PDE10A: variants seen among roughly 807,000 people sequenced by gnomAD.
PDE10A encodes the protein phosphodiesterase 10A.
A neutral mutation model predicts 97.7 loss-of-function variants in PDE10A; 39 were observed. The observed-to-expected ratio is 0.40, with a 90% CI of 0.31 to 0.52. PDE10A has a LOEUF of 0.52. Among genes scored for constraint, PDE10A ranks in the 20% least tolerant of loss-of-function variants. The pLI is 0.56. For missense variants in PDE10A, 731 were observed against 1,047.8 expected (o/e 0.70, Z 4.17); for synonymous variants, 371 against 376.8 (o/e 0.98, Z 0.18).
At chr6:165,561,997 G>A (rs1784546135) in intron 1 of PDE10A, among the ~76,000 whole-genome samples, 2 of 152,092 alleles carry the variant, frequency 1.3e-5, no homozygotes, top group African/African-American at 2.4e-5. Context: ...CTGGCCAGGT[G>A]TGGTAGCTCA....
intron 1 of PDE10A, among the ~76,000 whole-genome samples, chr6:165,659,670 C>A (rs573750715): frequency 6.6e-6 from 1 of 152,360 alleles, no homozygotes; most frequent in South Asian, 2.1e-4. Context: ...CTGCTCAGGG[C>A]AAGGTGTGGG....
intron 1 of PDE10A, among the ~76,000 whole-genome samples, chr6:165,712,269 G>A (rs1380951688): frequency 2.0e-5 from 3 of 152,178 alleles, no homozygotes; most frequent in Non-Finnish European, 2.9e-5. Context: ...TTGAAGGACC[G>A]TTTCATGAAA....
intron 2 of PDE10A, among the ~76,000 whole-genome samples, chr6:165,542,609 G>GTTTTT (rs1783506131): frequency 1.0e-5 from 1 of 95,916 alleles, no homozygotes; most frequent in South Asian, 4.1e-4. Flanking sequence ...AGATGTCCTT[G>GTTTTT]TTCTTTTTTT....
At chr6:165,455,683 T>C (rs968260172) in intron 3 of PDE10A, among the ~76,000 whole-genome samples, 7 of 152,164 alleles carry the variant, frequency 4.6e-5, no homozygotes, top group African/African-American at 1.7e-4. Flanking sequence ...TGTATTCCCT[T>C]CTCAGGTCTG....
At chr6:165,785,060 T>G (rs6913604) in intron 1 of PDE10A, among the ~76,000 whole-genome samples, 77,164 of 152,046 alleles carry the variant, frequency 0.51, 20,118 homozygotes, top group Middle Eastern at 0.58. Flanking sequence ...CTCTGTGGGA[T>G]AATTTCTTGG....
chr6:165,792,562 C>T (rs1472237281), intron 1 of PDE10A, among the ~76,000 whole-genome samples: 2 of 152,000 alleles, frequency 1.3e-5, no homozygotes, highest in Non-Finnish European at 2.9e-5. Context: ...TTTTTCTTTC[C>T]AGTCTCCCCA....
chr6:165,782,390 T>C (rs540869307), intron 1 of PDE10A, among the ~76,000 whole-genome samples: 112 of 152,274 alleles, frequency 7.4e-4, no homozygotes, highest in Non-Finnish European at 1.2e-3. Flanking sequence ...CGTAAATCAC[T>C]CTCAAACCTC....
At chr6:165,797,900 T>C (rs1343070008) in intron 1 of PDE10A, among the ~76,000 whole-genome samples, 1 of 152,230 alleles carries the variant, frequency 6.6e-6, no homozygotes. Context: ...TTTGTTGTTT[T>C]GTTTTCTCTA....
intron 5 of PDE10A, among the ~76,000 whole-genome samples, chr6:165,445,847 G>A (rs375461065): frequency 2.6e-5 from 4 of 152,024 alleles, no homozygotes; most frequent in Admixed American, 6.5e-5. Flanking sequence ...AACAAGCCTC[G>A]AGAGTATCCA....
chr6:165,971,928 C>T (rs1286122231), intron 1 of PDE10A, among the ~76,000 whole-genome samples: 2 of 152,046 alleles, frequency 1.3e-5, no homozygotes, highest in African/African-American at 2.4e-5. Context: ...GTACCCATGG[C>T]GTTGACTTGG....
chr6:165,349,650 G>A (rs116967772), intron 18 of PDE10A, among the ~76,000 whole-genome samples: 6,743 of 152,254 alleles, frequency 0.044, 236 homozygotes, highest in Non-Finnish European at 0.065. Context: ...TCCAGGGCAC[G>A]TAAAAGACCT....
chr6:165,428,410 C>T (rs1251019083), intron 10 of PDE10A, among the ~76,000 whole-genome samples: 1 of 152,000 alleles, frequency 6.6e-6, no homozygotes, highest in Non-Finnish European at 1.5e-5. Context: ...TAAAAAGAAA[C>T]CAAATGTCTT....
At chr6:165,519,230 G>A (rs886735666) in intron 2 of PDE10A, among the ~76,000 whole-genome samples, 12 of 151,892 alleles carry the variant, frequency 7.9e-5, no homozygotes, top group African/African-American at 2.2e-4. Context: ...TACGATATAC[G>A]GCTGACCGAC....
At chr6:165,582,484 A>G (rs1471485241) in intron 1 of PDE10A, among the ~76,000 whole-genome samples, 2 of 152,200 alleles carry the variant, frequency 1.3e-5, no homozygotes, top group Non-Finnish European at 2.9e-5. Flanking sequence ...AAATGATCTA[A>G]TTGTCAAGTC....
intron 1 of PDE10A, among the ~76,000 whole-genome samples, chr6:165,804,962 G>C (rs1779087223): frequency 6.7e-6 from 1 of 150,222 alleles, no homozygotes; most frequent in East Asian, 2.0e-4. Context: ...AGAGACGTGG[G>C]GGCGCACGGA....
chr6:165,398,499 C>A (rs117619029), intron 13 of PDE10A, among the ~76,000 whole-genome samples: 39,050 of 89,742 alleles, frequency 0.44, 6,138 homozygotes, highest in Middle Eastern at 0.56. Flanking sequence ...CTCTCTCTCT[C>A]AAAAAAAAAA....
rs147403406 is a variant in PDE10A, at chr6:165,606,652, G to T, written c.865+55295C>A. Among the ~76,000 whole-genome samples the T allele has an allele frequency of 2.4e-3, 363 of 152,234 alleles. 2 individuals carry two copies. Among genetic ancestry groups the T allele is most frequent in the African/African-American group, 8.5e-3 (351 of 41,532 alleles). On this transcript the variant is annotated intron_variant, in intron 1 of 21. Coordinates refer to ENST00000539869, the MANE Select transcript of PDE10A (RefSeq NM_001385079.1). ...CACTAATGACTATAGTGGGAACAGGGAAACATTTCTTAAGAGGAGGTAAGT... is the reference window on the plus strand; with the variant it reads ...CACTAATGACTATAGTGGGAACAGGTAAACATTTCTTAAGAGGAGGTAAGT...
chr6:165,509,349 C>T (rs1194431703), intron 2 of PDE10A, among the ~76,000 whole-genome samples: 1 of 151,984 alleles, frequency 6.6e-6, no homozygotes, highest in East Asian at 1.9e-4. Flanking sequence ...GTCCTTTCCC[C>T]AACGTATGTT....
intron 13 of PDE10A, among the ~76,000 whole-genome samples, chr6:165,412,042 T>C (rs1426791316): frequency 1.3e-5 from 2 of 151,962 alleles, no homozygotes; most frequent in Non-Finnish European, 2.9e-5. Flanking sequence ...TTTTTTTTTA[T>C]TTTTTGACAT....
Sources: gnomAD v4.1 joint callset for allele counts (sites outside exome capture counted in the v4.1 genomes callset) on GRCh38, gnomAD v4.1.1 for gene constraint, MANE v1.5 for transcripts, NCBI Gene and HGNC (gene_info 2026-07-23, HGNC 2026-07-21) for gene names.